BICD1: variants seen among roughly 807,000 people sequenced by gnomAD.
BICD1 encodes the protein protein bicaudal D homolog 1.
A neutral mutation model predicts 92.5 loss-of-function variants in BICD1; 35 were observed. The observed-to-expected ratio is 0.38, with a 90% CI of 0.29 to 0.50. BICD1 has a LOEUF of 0.50. BICD1 is among the 20% of genes least tolerant of loss of function. The probability of loss-of-function intolerance (pLI) is 0.93; values close to 1 mark genes in which losing one functional copy is unlikely to be tolerated. For synonymous variants in BICD1, 429 were observed against 465.1 expected, an observed-to-expected ratio of 0.92 and a Z score of 1.00; for missense variants, 950 against 1,189.8, an observed-to-expected ratio of 0.80 and a Z score of 2.97.
chr12:32,154,392 C>T (rs971561568), intron 1 of BICD1, among the ~76,000 whole-genome samples: 7 of 152,128 alleles, frequency 4.6e-5, no homozygotes, highest in Admixed American at 1.3e-4. Flanking sequence ...GTGCCTCTTA[C>T]CCACCACTGT....
chr12:32,366,688 C>T (rs1285088440), intron 8 of BICD1, among the ~76,000 whole-genome samples: 1 of 152,198 alleles, frequency 6.6e-6, no homozygotes, highest in African/African-American at 2.4e-5. Context: ...AAGGGATTTG[C>T]TAAGCAAATA....
intron 2 of BICD1, among the ~76,000 whole-genome samples, chr12:32,268,396 C>T (rs966615230): frequency 6.9e-6 from 1 of 144,208 alleles, no homozygotes; most frequent in African/African-American, 2.9e-5. Flanking sequence ...CGTCATTGGT[C>T]CATGTTCAAC....
intron 1 of BICD1, among the ~76,000 whole-genome samples, chr12:32,189,698 A>ATTTT (rs199713940): frequency 7.1e-6 from 1 of 140,552 alleles, no homozygotes; most frequent in African/African-American, 2.6e-5. Context: ...AAGTGTAGTA[A>ATTTT]TTTTTTTTTT....
chr12:32,224,535 A>G (rs1448522167), intron 2 of BICD1, among the ~76,000 whole-genome samples: 2 of 152,226 alleles, frequency 1.3e-5, no homozygotes, highest in Non-Finnish European at 2.9e-5. Context: ...TATTAATGCC[A>G]TTGGGAATTT....
rs1353462877 is a variant in BICD1 at position 32,367,525 on chromosome 12, A to AG, written c.2765-144dup. 11 of 657,812 alleles carry AG rather than the reference A, an allele frequency of 1.7e-5. No homozygotes were observed. In the East Asian group the frequency reaches 3.0e-4, roughly 18 times the overall value. The allele number at this position is 657,812 out of a possible 1,614,324, so 40.7% of individuals were successfully genotyped here. ...TCTTTTCTATTGGCATCATTCAAGA[A>AG]GAAAAAAAAAAAGCTGAATCAGGAT... is the stretch of plus-strand genomic sequence containing the variant. On this transcript the variant is annotated intron_variant, in intron 8 of 9. Transcript: ENST00000652176.
At chr12:32,202,799 TG>T (rs1944943486) in intron 1 of BICD1, among the ~76,000 whole-genome samples, 1 of 152,078 alleles carries the variant, frequency 6.6e-6, no homozygotes, top group Non-Finnish European at 1.5e-5. Context: ...TTTGTAGAGA[TG>T]GGGTCTCGCC....
At chr12:32,183,134 C>G (rs1944326101) in intron 1 of BICD1, among the ~76,000 whole-genome samples, 1 of 151,670 alleles carries the variant, frequency 6.6e-6, no homozygotes, top group Non-Finnish European at 1.5e-5. Context: ...GTCCTGGCCT[C>G]AAGTGATCCT....
chr12:32,352,486 A>G (rs76363396), intron 8 of BICD1: 2 of 56,402 alleles, frequency 3.5e-5, no homozygotes, highest in Non-Finnish European at 1.1e-4. Flanking sequence ...TGCCGTCTCA[A>G]AAAAAAAAAA....
intron 3 of BICD1, among the ~76,000 whole-genome samples, chr12:32,301,746 G>T (rs554057587): frequency 3.9e-5 from 6 of 152,070 alleles, no homozygotes; most frequent in Non-Finnish European, 8.8e-5. Flanking sequence ...CTGTACTCTA[G>T]CCTGGGCAAC....
At chr12:32,306,361 A>G (rs1048501610) in intron 4 of BICD1, among the ~76,000 whole-genome samples, 15 of 151,984 alleles carry the variant, frequency 9.9e-5, no homozygotes, top group African/African-American at 2.9e-4. Context: ...CTCCTGCCTC[A>G]GCCTCCCGAG....
At chr12:32,288,258 G>T (rs1487806899) in intron 2 of BICD1, among the ~76,000 whole-genome samples, 5 of 134,206 alleles carry the variant, frequency 3.7e-5, no homozygotes, top group African/African-American at 1.5e-4. Flanking sequence ...CTGAGACAGG[G>T]TCTCACTCTG....
chr12:32,149,955 A>ACTTG (rs1242570231), intron 1 of BICD1, among the ~76,000 whole-genome samples: 2 of 152,208 alleles, frequency 1.3e-5, no homozygotes, highest in Non-Finnish European at 2.9e-5. Flanking sequence ...TATTTAATGG[A>ACTTG]CTTGCAGTTC....
At chr12:32,160,723 A>G (rs1298962886) in intron 1 of BICD1, among the ~76,000 whole-genome samples, 1 of 152,224 alleles carries the variant, frequency 6.6e-6, no homozygotes, top group African/African-American at 2.4e-5. Context: ...ATTATATACA[A>G]GGTAGTAAGG....
At chr12:32,356,194 C>A (rs1432271932) in intron 8 of BICD1, among the ~76,000 whole-genome samples, 1 of 152,078 alleles carries the variant, frequency 6.6e-6, no homozygotes, top group Non-Finnish European at 1.5e-5. Flanking sequence ...CTCACTTAAA[C>A]GGATAGAAAA....
At chr12:32,162,157 A>T (rs1943619008) in intron 1 of BICD1, among the ~76,000 whole-genome samples, 1 of 152,112 alleles carries the variant, frequency 6.6e-6, no homozygotes, top group South Asian at 2.1e-4. Context: ...TTGTAATCCC[A>T]CAGGCATGTG....
chr12:32,158,847 G>A (rs570128963), intron 1 of BICD1, among the ~76,000 whole-genome samples: 52 of 152,276 alleles, frequency 3.4e-4, no homozygotes, highest in African/African-American at 1.2e-3. Context: ...CACAGCACTT[G>A]CCACTCTTGA....
chr12:32,236,329 A>C (rs1314820614), intron 2 of BICD1, among the ~76,000 whole-genome samples: 2 of 151,878 alleles, frequency 1.3e-5, no homozygotes, highest in Non-Finnish European at 2.9e-5. Flanking sequence ...GGGGAGGCGG[A>C]GGTTGCAGTG....
chr12:32,329,262 G>A (rs1054629300), intron 5 of BICD1, among the ~76,000 whole-genome samples: 1 of 151,994 alleles, frequency 6.6e-6, no homozygotes, highest in African/African-American at 2.4e-5. Context: ...GTGCCACCAT[G>A]CCTGGCTAAC....
intron 1 of BICD1, among the ~76,000 whole-genome samples, chr12:32,166,570 G>A (rs765516901): frequency 1.9e-4 from 29 of 152,098 alleles, no homozygotes; most frequent in Middle Eastern, 3.2e-3. Flanking sequence ...CTCAAATGTC[G>A]GTAGTGCCCA....
Sources: gnomAD v4.1 joint callset for allele counts (sites outside exome capture counted in the v4.1 genomes callset) on GRCh38, gnomAD v4.1.1 for gene constraint, MANE v1.5 for transcripts, NCBI Gene and HGNC (gene_info 2026-07-23, HGNC 2026-07-21) for gene names.